ASTN2: variants seen among roughly 807,000 people sequenced by gnomAD.
ASTN2 encodes the protein astrotactin-2.
ASTN2 carries 54 observed loss-of-function variants against 139.8 expected under a neutral mutation model. That is an observed-to-expected ratio of 0.39 (90% CI 0.31 to 0.48). The LOEUF (loss-of-function observed/expected upper bound fraction) is 0.48, where lower values mean the gene tolerates loss of function less well. ASTN2 is among the 20% of genes least tolerant of loss of function. ASTN2 has a pLI of 0.95. For synonymous variants in ASTN2, 756 were observed against 719.5 expected (o/e 1.05, Z -0.81); for missense variants, 1,565 against 1,725.1 (o/e 0.91, Z 1.64).
chr9:116,532,241 T>A (rs920246312), intron 19 of ASTN2, among the ~76,000 whole-genome samples: 9 of 152,138 alleles, frequency 5.9e-5, no homozygotes, highest in Non-Finnish European at 8.8e-5. Flanking sequence ...GTTTGAGTTC[T>A]TTGTAGATTC....
intron 1 of ASTN2, among the ~76,000 whole-genome samples, chr9:117,362,965 C>A (rs1369643623): frequency 6.6e-6 from 1 of 152,154 alleles, no homozygotes; most frequent in African/African-American, 2.4e-5. Context: ...CCTCTTCCTA[C>A]CCTCTTGGTG....
At chr9:117,080,841 C>G (rs571073995) in intron 5 of ASTN2, among the ~76,000 whole-genome samples, 2 of 151,868 alleles carry the variant, frequency 1.3e-5, no homozygotes, top group African/African-American at 4.8e-5. Flanking sequence ...CCCTGACACC[C>G]CAGAGAACCA....
chr9:117,013,489 T>A (rs1308868342), intron 6 of ASTN2, among the ~76,000 whole-genome samples: 830 of 24,388 alleles, frequency 0.034, 6 homozygotes, highest in African/African-American at 0.054. Flanking sequence ...TATATATATT[T>A]TTTTTTTTCT....
At position 116,733,464 on chromosome 9, in the gene ASTN2, A is replaced by T; in HGVS notation, c.2456T>A (p.Leu819Gln). 1 of 1,614,214 alleles carries T rather than the reference A, an allele frequency of 6.2e-7. No homozygotes were observed. Among genetic ancestry groups the T allele is most frequent in the Non-Finnish European group, 8.5e-7 (1 of 1,180,042 alleles). The part of the protein sequence containing the change: ...QLADGLLVIP[L>Q]PVEEQCRGVL... ...CCCCCGGCACTGCTCCTCCACCGGC[A>T]GCGGGATCACCAACAGCCCATCGGC... is the stretch of plus-strand genomic sequence containing the variant. Residue 819 changes from leucine (L) to glutamine (Q), a missense_variant, in exon 14 of 23, where the codon CTG (leucine) becomes CAG (glutamine). Leu to Gln is a moderately radical substitution (Grantham distance 113, BLOSUM62 -2). Transcript: ENST00000313400.
chr9:116,829,211 A>T (rs984227265), intron 11 of ASTN2, among the ~76,000 whole-genome samples: 1 of 151,848 alleles, frequency 6.6e-6, no homozygotes, highest in Non-Finnish European at 1.5e-5. Context: ...AGCAATCTCA[A>T]GCAAAATGAA....
At chr9:117,331,088 G>A (rs1828691863) in intron 1 of ASTN2, among the ~76,000 whole-genome samples, 1 of 152,184 alleles carries the variant, frequency 6.6e-6, no homozygotes. Context: ...ACTTTTGGCT[G>A]AATCACTTCT....
intron 3 of ASTN2, among the ~76,000 whole-genome samples, chr9:117,146,475 G>GAAA (rs61356397): frequency 8.3e-6 from 1 of 120,672 alleles, no homozygotes; most frequent in Non-Finnish European, 1.7e-5. Context: ...GAAGAGGAGA[G>GAAA]AAAAAAAAAA....
chr9:116,838,400 C>T (rs556291538), intron 11 of ASTN2, among the ~76,000 whole-genome samples: 5 of 150,724 alleles, frequency 3.3e-5, no homozygotes, highest in Non-Finnish European at 5.9e-5. Context: ...TGTGAGGCAC[C>T]GCACCCAGCC....
intron 17 of ASTN2, among the ~76,000 whole-genome samples, chr9:116,635,492 T>C (rs1197548739): frequency 6.6e-6 from 1 of 152,230 alleles, no homozygotes; most frequent in Non-Finnish European, 1.5e-5. Context: ...TCTATATTTA[T>C]ACCTATATCT....
At chr9:116,509,092 T>G (rs1026442659) in intron 19 of ASTN2, among the ~76,000 whole-genome samples, 1 of 152,178 alleles carries the variant, frequency 6.6e-6, no homozygotes, top group African/African-American at 2.4e-5. Flanking sequence ...ATGTGCCATG[T>G]TGGTGTGCTG....
chr9:117,411,459 A>G (rs184787736), intron 1 of ASTN2, among the ~76,000 whole-genome samples: 2 of 151,398 alleles, frequency 1.3e-5, no homozygotes, highest in East Asian at 3.9e-4. Flanking sequence ...AAAAAAAAAA[A>G]AAAAAAAAAA....
intron 5 of ASTN2, among the ~76,000 whole-genome samples, chr9:117,060,585 C>CAGGAAGGAAGGAAGGA (rs1554774170): frequency 2.0e-3 from 263 of 132,424 alleles, no homozygotes; most frequent in African/African-American, 7.3e-3. Flanking sequence ...GGAAAGAAGG[C>CAGGAAGGAAGGAAGGA]AGGAAGGAAG....
chr9:117,194,057 T>C (rs1831424064), intron 3 of ASTN2, among the ~76,000 whole-genome samples: 1 of 152,134 alleles, frequency 6.6e-6, no homozygotes, highest in South Asian at 2.1e-4. Context: ...AAAGGGCAGG[T>C]TGAGCACATT....
intron 5 of ASTN2, among the ~76,000 whole-genome samples, chr9:117,084,724 G>A (rs1828517536): frequency 6.6e-6 from 1 of 152,154 alleles, no homozygotes; most frequent in Non-Finnish European, 1.5e-5. Flanking sequence ...ACTCCATAGG[G>A]GCCCAAAGCC....
chr9:116,640,817 G>A (rs1857289943), intron 17 of ASTN2, among the ~76,000 whole-genome samples: 1 of 152,198 alleles, frequency 6.6e-6, no homozygotes, highest in African/African-American at 2.4e-5. Context: ...AGAAGTGGAA[G>A]GATTAAAAGA....
At chr9:117,203,874 G>T (rs1831820283) in intron 3 of ASTN2, among the ~76,000 whole-genome samples, 1 of 152,192 alleles carries the variant, frequency 6.6e-6, no homozygotes. Context: ...GAAGCACTTT[G>T]TGCCTTGGTG....
At chr9:116,559,017 C>T (rs57879758) in intron 19 of ASTN2, among the ~76,000 whole-genome samples, 3,266 of 152,272 alleles carry the variant, frequency 0.021, 93 homozygotes, top group African/African-American at 0.067. Flanking sequence ...CAGATTGTTG[C>T]CTTTATGCAG....
At chr9:116,492,648 G>A (rs1849551559) in intron 19 of ASTN2, among the ~76,000 whole-genome samples, 1 of 152,066 alleles carries the variant, frequency 6.6e-6, no homozygotes, top group Non-Finnish European at 1.5e-5. Flanking sequence ...TAACACAGGA[G>A]CCCTTCCTCC....
chr9:117,300,280 G>T (rs780218513), intron 1 of ASTN2, among the ~76,000 whole-genome samples: 1 of 152,190 alleles, frequency 6.6e-6, no homozygotes, highest in Non-Finnish European at 1.5e-5. Context: ...GCAGCAGCAA[G>T]CATTTCCCCT....
Sources: gnomAD v4.1 joint callset for allele counts (sites outside exome capture counted in the v4.1 genomes callset) on GRCh38, gnomAD v4.1.1 for gene constraint, MANE v1.5 for transcripts, NCBI Gene and HGNC (gene_info 2026-07-23, HGNC 2026-07-21) for gene names.